The following RXFP2 variants were observed in gnomAD, a reference collection of about 807,000 sequenced individuals.
RXFP2 encodes relaxin receptor 2.
RXFP2 carries 68 observed loss-of-function variants against 88.6 expected under a neutral mutation model. The ratio of observed to expected loss-of-function variants is 0.77; its 90% CI spans 0.63 to 0.94. The LOEUF (loss-of-function observed/expected upper bound fraction) is 0.94, where lower values mean the gene tolerates loss of function less well. Ranked by LOEUF, RXFP2 falls within the 40% of genes least tolerant of loss-of-function variation. The pLI is 0.00. For missense variants in RXFP2, 791 were observed against 893.9 expected, an observed-to-expected ratio of 0.88 and a Z score of 1.47; for synonymous variants, 329 against 306.8, an observed-to-expected ratio of 1.07 and a Z score of -0.76.
rs762309339 is a variant in RXFP2 at position 31,786,613 on chromosome 13, A to G, written c.1049A>G (p.Glu350Gly). ...ATGTATCTTCACAAGAACCAGTTTGAAAGTCTTAAACAACTTCAGTCTCTG... is the reference window on the plus strand; with the variant it reads ...ATGTATCTTCACAAGAACCAGTTTGGAAGTCTTAAACAACTTCAGTCTCTG... The part of the protein sequence containing the change: ...PLMYLHKNQF[E>G]SLKQLQSLDL... The change falls in exon 13 of 18, where the codon GAA becomes GGA. Residue 350 changes from glutamate to glycine, a missense_variant. Coordinates refer to ENST00000298386, the MANE Select transcript of RXFP2 (RefSeq NM_130806.5). 6.2e-7 allele frequency: 1 copy of G among 1,601,464 alleles called. No individual in the cohort carries two copies. The highest frequency in any genetic ancestry group is 1.3e-5 in the African/African-American group (1 of 74,624).
intron 1 of RXFP2, among the ~76,000 whole-genome samples, chr13:31,749,419 G>A (rs745617273): frequency 1.3e-5 from 2 of 152,200 alleles, no homozygotes; most frequent in African/African-American, 4.8e-5. Flanking sequence ...GGCTCTTCGT[G>A]TTCTTTTGCA....
At position 31,764,301 on chromosome 13, in the gene RXFP2, A is replaced by G. The variant is rs1393228150; in HGVS notation, c.320-736A>G. Among the ~76,000 whole-genome samples, 4 of 147,438 alleles carry G rather than the reference A, an allele frequency of 2.7e-5. No homozygotes were observed. In the East Asian group the frequency reaches 7.9e-4, roughly 29 times the overall value. On this transcript the variant is annotated intron_variant, in intron 3 of 17. Coordinates refer to ENST00000298386, the MANE Select transcript of RXFP2 (RefSeq NM_130806.5). ...CACACACACACACAGTGACTGTCCT[A>G]TGGACCAGCTTGGCCTGGCTTCTCC...
intron 13 of RXFP2, among the ~76,000 whole-genome samples, chr13:31,788,328 A>C (rs1873645801): frequency 6.6e-6 from 1 of 152,210 alleles, no homozygotes; most frequent in Non-Finnish European, 1.5e-5. Flanking sequence ...GTCAAAAAGA[A>C]ACCAAGTGAG....
chr13:31,784,520 C>T (rs1402674737), intron 11 of RXFP2, among the ~76,000 whole-genome samples: 1 of 152,128 alleles, frequency 6.6e-6, no homozygotes, highest in Non-Finnish European at 1.5e-5. Context: ...AAGGCATTTT[C>T]TAGGTGTATG....
At chr13:31,760,983 C>G (rs760157755) in intron 2 of RXFP2, among the ~76,000 whole-genome samples, 8 of 152,226 alleles carry the variant, frequency 5.3e-5, no homozygotes, top group Non-Finnish European at 1.2e-4. Flanking sequence ...GAGACAGGGT[C>G]TCCCTCTGTC....
At chr13:31,752,361 C>T (rs1463591230) in intron 1 of RXFP2, among the ~76,000 whole-genome samples, 3 of 151,814 alleles carry the variant, frequency 2.0e-5, no homozygotes, top group South Asian at 2.1e-4. Context: ...CAGAAGAACA[C>T]GACAGAAAAT....
intron 5 of RXFP2, 49 bp downstream of exon 5, chr13:31,766,076 G>A: frequency 1.1e-6 from 1 of 909,428 alleles, no homozygotes; most frequent in African/African-American, 1.6e-5. Context: ...CCTCGTGGTG[G>A]TGTAAGATGT....
At chr13:31,783,718 G>A (rs1873391041) in intron 11 of RXFP2, among the ~76,000 whole-genome samples, 1 of 152,202 alleles carries the variant, frequency 6.6e-6, no homozygotes, top group Non-Finnish European at 1.5e-5. Flanking sequence ...GGGCATTCCT[G>A]CCCAGGCTGT....
chr13:31,753,406 G>T (rs1256728916), intron 1 of RXFP2, among the ~76,000 whole-genome samples: 1 of 152,114 alleles, frequency 6.6e-6, no homozygotes, highest in Non-Finnish European at 1.5e-5. Flanking sequence ...GAAGAAGGGT[G>T]ACTACTGAGC....
chr13:31,783,888 C>T (rs1408146094), intron 11 of RXFP2, among the ~76,000 whole-genome samples: 1 of 152,102 alleles, frequency 6.6e-6, no homozygotes, highest in African/African-American at 2.4e-5. Context: ...ATGATCTCCA[C>T]TCACTGCAAC....
At chr13:31,784,534 T>C (rs1339130732) in intron 11 of RXFP2, among the ~76,000 whole-genome samples, 1 of 152,152 alleles carries the variant, frequency 6.6e-6, no homozygotes, top group East Asian at 1.9e-4. Flanking sequence ...GTGTATGAAA[T>C]CATCATCATA....
At chr13:31,749,608 A>G (rs75100653) in intron 1 of RXFP2, among the ~76,000 whole-genome samples, 1 of 152,220 alleles carries the variant, frequency 6.6e-6, no homozygotes, top group African/African-American at 2.4e-5. Context: ...CTTTACATAA[A>G]TGTCTTGCCC....
At chr13:31,777,103 A>G (rs1405286366) in intron 7 of RXFP2, among the ~76,000 whole-genome samples, 3 of 152,202 alleles carry the variant, frequency 2.0e-5, no homozygotes, top group African/African-American at 4.8e-5. Context: ...CAGAGGTGAC[A>G]GATACAACCT....
At chr13:31,792,153 G>A in intron 15 of RXFP2, 118 bp downstream of exon 15, 1 of 777,648 alleles carries the variant, frequency 1.3e-6, no homozygotes, top group Non-Finnish European at 2.0e-6. Context: ...ATACATCCTG[G>A]GCACATTTTT....
intron 3 of RXFP2, among the ~76,000 whole-genome samples, chr13:31,762,728 A>G (rs1267372355): frequency 4.6e-5 from 7 of 152,188 alleles, no homozygotes. Context: ...CCACTTATAT[A>G]TTTTATTATA....
At chr13:31,781,521 T>G (rs1348826256) in intron 9 of RXFP2, 150 bp from the exon 10 acceptor site, 2 of 619,334 alleles carry the variant, frequency 3.2e-6, no homozygotes, top group Non-Finnish European at 5.6e-6. Flanking sequence ...AAGCATAATA[T>G]TAGTTATACT....
intron 17 of RXFP2, among the ~76,000 whole-genome samples, chr13:31,799,986 C>G (rs1015967466): frequency 6.6e-6 from 1 of 152,182 alleles, no homozygotes; most frequent in Non-Finnish European, 1.5e-5. Context: ...AAGAGTAGAA[C>G]ATTGTCTTGT....
chr13:31,786,453 C>G lies in RXFP2; in HGVS notation c.1000C>G (p.Leu334Val), dbSNP rs1466341366. The change falls in exon 12 of 18, where the codon CTG becomes GTG. Residue 334 changes from leucine (L) to valine (V), a missense_variant and splice_region_variant. By Grantham distance (32) the Leu-to-Val change is conservative (BLOSUM62 1). Transcript: ENST00000298386. ...TAAAGACTTGAAGCTTCTACAAAAGCTGTAAGTTCTACTTCTCACCATAAT... is the reference window on the plus strand; with the variant it reads ...TAAAGACTTGAAGCTTCTACAAAAGGTGTAAGTTCTACTTCTCACCATAAT... ...LFKDLKLLQKLNLSSNPLMYL... is the reference protein window; with the variant it reads ...LFKDLKLLQKVNLSSNPLMYL... 6.3e-7 allele frequency: 1 copy of G among 1,597,794 alleles called. No individual in the cohort carries two copies. Among genetic ancestry groups the G allele is most frequent in the Non-Finnish European group, 8.6e-7 (1 of 1,165,534 alleles).
intron 8 of RXFP2, among the ~76,000 whole-genome samples, 195 bp from the exon 9 acceptor site, chr13:31,778,317 T>C (rs567225754): frequency 2.0e-5 from 3 of 152,336 alleles, no homozygotes; most frequent in African/African-American, 7.2e-5. Flanking sequence ...TATGCATTCA[T>C]AGTTTCTTTG....
Sources: allele counts gnomAD v4.1 joint callset (sites outside exome capture counted in the v4.1 genomes callset), GRCh38; gene constraint gnomAD v4.1.1; transcripts MANE v1.5; gene names NCBI Gene and HGNC (gene_info 2026-07-23, HGNC 2026-07-21).